DIAPH1: variants seen among roughly 807,000 people sequenced by gnomAD.
The protein encoded by DIAPH1 is protein diaphanous homolog 1.
Under a neutral mutation model 140.7 loss-of-function variants are expected in DIAPH1, and 46 were observed. That is an observed-to-expected ratio of 0.33 (90% CI 0.26 to 0.42). The LOEUF (loss-of-function observed/expected upper bound fraction) is 0.42, where lower values mean the gene tolerates loss of function less well. Among genes scored for constraint, DIAPH1 ranks in the 10% least tolerant of loss-of-function variants. The probability of loss-of-function intolerance (pLI) is 1.00; values close to 1 mark genes in which losing one functional copy is unlikely to be tolerated. For synonymous variants in DIAPH1, 565 were observed against 551.6 expected (o/e 1.02, Z -0.34); for missense variants, 1,310 against 1,558.7 (o/e 0.84, Z 2.69).
At chr5:141,588,890 G>C (rs1017021649) in intron 1 of DIAPH1, 1 of 152,226 alleles carries the variant, frequency 6.6e-6, no homozygotes. Flanking sequence ...AGAGTAGAAC[G>C]GGTTTTCTGA....
At chr5:141,579,042 C>A in intron 9 of DIAPH1, 46 bp downstream of exon 9, 1 of 1,354,164 alleles carries the variant, frequency 7.4e-7, no homozygotes, top group South Asian at 1.2e-5. Flanking sequence ...TAAGTCTGTC[C>A]ATCTTGAATT....
Position 141,583,198 on chromosome 5 carries a change from G to C in DIAPH1, c.620+8C>G, listed in dbSNP as rs759235916. 42 of 1,613,424 alleles carry C rather than the reference G, an allele frequency of 2.6e-5. No individual in the cohort carries two copies. Among genetic ancestry groups the C allele is most frequent in the Non-Finnish European group, 3.4e-5 (40 of 1,179,334 alleles). On this transcript the variant is annotated splice_region_variant and intron_variant, in intron 6 of 27. Transcript: ENST00000389054. The stretch of plus-strand genomic sequence containing the variant: ...AACTTGAAGTTGCAAAGACTTGGAA[G>C]TCCTCACCCAGCAGTCTCTTCTTTC...
rs572714043 is a variant in DIAPH1, at chr5:141,575,216, A to G, written c.1462-70T>C. The G allele has an allele frequency of 6.8e-5, 104 of 1,527,898 alleles. No homozygotes were observed. The African/African-American group carries it at 1.4e-3, about 20-fold the overall frequency. The allele number at this position is 1,527,898 out of a possible 1,614,324, so 94.6% of individuals were successfully genotyped here. A position where few individuals can be genotyped will look rare whatever the true frequency, so the allele number is the denominator to read the frequency against. ...GTAAGAAGCACAAGTATTATTACCC[A>G]TAATTCTCCCTACCTCCTCTTTTGC... On this transcript the variant is annotated intron_variant, in intron 14 of 27. Coordinates refer to ENST00000389054, the MANE Select transcript of DIAPH1 (RefSeq NM_005219.5).
At chr5:141,551,398 G>T (rs2099891659) in intron 18 of DIAPH1, among the ~76,000 whole-genome samples, 1 of 152,094 alleles carries the variant, frequency 6.6e-6, no homozygotes, top group South Asian at 2.1e-4. Context: ...CAAGGTTACA[G>T]TGTCACCACA....
intron 18 of DIAPH1, among the ~76,000 whole-genome samples, chr5:141,547,701 T>C (rs1387054106): frequency 2.6e-5 from 4 of 152,230 alleles, no homozygotes. Flanking sequence ...GTCCAACATA[T>C]GTATAACTGG....
intron 1 of DIAPH1, among the ~76,000 whole-genome samples, chr5:141,607,738 A>G (rs573370759): frequency 6.2e-4 from 94 of 152,324 alleles, no homozygotes; most frequent in Admixed American, 1.2e-3. Context: ...CTACAGCCAC[A>G]TATTCACACC....
In DIAPH1 at chr5:141,529,267, T is replaced by C. The variant is rs2099887848; in HGVS notation, c.2683A>G (p.Ile895Val). Residue 895 changes from isoleucine to valine, a missense_variant, in exon 21 of 28, where the codon ATT (isoleucine) becomes GTT (valine). By Grantham distance (29) the Ile-to-Val change is conservative. Around this residue, in one of 3 missense-constraint regions of DIAPH1, gnomAD observed 344 missense variants for 512.2 expected, o/e 0.67. Transcript: ENST00000389054. ...TGCTCTGGCTCTGGCATTTGCTTAATGAGGTTCTGAAAGACAGAAGAGACA... is the reference window on the plus strand; with the variant it reads ...TGCTCTGGCTCTGGCATTTGCTTAACGAGGTTCTGAAAGACAGAAGAGACA... ...VLTESMIQNL[I>V]KQMPEPEQLK... is the part of the protein sequence containing the mutation. The C allele has an allele frequency of 6.2e-7, 1 of 1,613,742 alleles. No homozygotes were observed.
At position 141,526,023 on chromosome 5, in the gene DIAPH1, G is replaced by T. The variant is rs1279473036; in HGVS notation, c.3574+15C>A. On this transcript the variant is annotated intron_variant, in intron 26 of 27. Transcript: ENST00000389054. ...CATTCCTATCTCAGCCCATCAACCCGTCTTCACTCCTCACCTGCATTCATG... is the reference window on the plus strand; with the variant it reads ...CATTCCTATCTCAGCCCATCAACCCTTCTTCACTCCTCACCTGCATTCATG... 6.2e-7 allele frequency: 1 copy of T among 1,613,546 alleles called. No homozygotes were observed. The highest frequency in any genetic ancestry group is 1.3e-5 in the African/African-American group (1 of 74,858).
intron 18 of DIAPH1, among the ~76,000 whole-genome samples, chr5:141,553,267 G>A (rs1331742215): frequency 6.6e-6 from 1 of 151,878 alleles, no homozygotes; most frequent in African/African-American, 2.4e-5. Flanking sequence ...ACTCCAGCCT[G>A]GGTGACAGGC....
At chr5:141,587,394 T>C (rs1240460622) in intron 2 of DIAPH1, 197 bp from the exon 3 acceptor site, 3 of 615,608 alleles carry the variant, frequency 4.9e-6, no homozygotes, top group Non-Finnish European at 8.6e-6. Flanking sequence ...TGTACTCTCA[T>C]CTATGTTCAA....
At chr5:141,533,955 C>T (rs1272456726) in intron 19 of DIAPH1, among the ~76,000 whole-genome samples, 1 of 141,844 alleles carries the variant, frequency 7.1e-6, no homozygotes, top group Non-Finnish European at 1.5e-5. Flanking sequence ...CAACTGAGCC[C>T]AGGAAGCTGA....
rs201374595 is a variant in DIAPH1 at position 141,587,008 on chromosome 5, G to A, written c.300+34C>T. On this transcript the variant is annotated intron_variant, in intron 3 of 27. Coordinates refer to ENST00000389054, the MANE Select transcript of DIAPH1 (RefSeq NM_005219.5). ...AGCCCACCATGTCCATAAATGCACA[G>A]GAAGAAGCAACATTTTGGGAATGGG... 1.2e-5 allele frequency: 19 copies of A among 1,612,922 alleles called. No individual in the cohort carries two copies. The Admixed American group carries it at 2.0e-4, about 17-fold the overall frequency.
At chr5:141,525,920 T>C in intron 26 of DIAPH1, 118 bp downstream of exon 26, 2 of 1,535,874 alleles carry the variant, frequency 1.3e-6, no homozygotes, top group Non-Finnish European at 1.8e-6. Flanking sequence ...GAGTGAAGAC[T>C]GCCAAAAATC....
intron 7 of DIAPH1, 107 bp downstream of exon 7, chr5:141,582,205 C>A: frequency 1.2e-6 from 1 of 812,086 alleles, no homozygotes; most frequent in Non-Finnish European, 2.2e-6. Context: ...AAAGAGAAAG[C>A]TAGAAGTCCT....
chr5:141,600,215 C>T (rs1328576856), intron 1 of DIAPH1, among the ~76,000 whole-genome samples: 1 of 152,186 alleles, frequency 6.6e-6, no homozygotes, highest in African/African-American at 2.4e-5. Context: ...CGGTGACAGA[C>T]AGCAAAGAAA....
In DIAPH1 at chr5:141,572,016, C is replaced by G; in HGVS notation, c.2383G>C (p.Asp795His). Residue 795 changes from aspartate to histidine, a missense_variant, in exon 17 of 28, where the codon GAC becomes CAC. Physicochemically the swap from Asp to His is moderately conservative, Grantham distance 81. This residue lies in a region of DIAPH1 where 589 missense variants were observed against 549.3 expected (regional missense o/e 1.07). Transcript: ENST00000389054. ...SKLVAEDLSQDCFWTKVKEDR... is the reference protein window; with the variant it reads ...SKLVAEDLSQHCFWTKVKEDR... ...TCCTTCACCTTTGTCCAGAAGCAGT[C>G]CTGGGAGAGGTCCTCAGCCACAAGC... The G allele has an allele frequency of 6.2e-7, 1 of 1,614,074 alleles. No homozygotes were observed. Among genetic ancestry groups the G allele is most frequent in the South Asian group, 1.1e-5 (1 of 91,076 alleles).
chr5:141,576,045 G>A (rs1025405729), intron 14 of DIAPH1, among the ~76,000 whole-genome samples, 185 bp downstream of exon 14: 3 of 152,170 alleles, frequency 2.0e-5, no homozygotes, highest in Non-Finnish European at 4.4e-5. Flanking sequence ...AGCTCCCTAT[G>A]AAGACATCCA....
At chr5:141,537,275 G>C (rs542779684) in intron 18 of DIAPH1, among the ~76,000 whole-genome samples, 71 of 151,806 alleles carry the variant, frequency 4.7e-4, no homozygotes, top group Non-Finnish European at 1.3e-4. Flanking sequence ...CCTGAAGTCG[G>C]GAGTTCGAGA....
At position 141,528,822 on chromosome 5, in the gene DIAPH1, C is replaced by T; in HGVS notation, c.2898G>A (p.Glu966=). The T allele has an allele frequency of 6.2e-7, 1 of 1,614,268 alleles. No homozygotes were observed. The highest frequency in any genetic ancestry group is 1.1e-5 in the South Asian group (1 of 91,086). The change falls in exon 22 of 28, where the codon GAG becomes GAA. Residue 966 remains glutamate (E), a synonymous_variant. Coordinates refer to ENST00000389054, the MANE Select transcript of DIAPH1 (RefSeq NM_005219.5). ...EIVSVTAACE[E]LRKSESFSNL... is the part of the protein sequence containing the mutation. The stretch of plus-strand genomic sequence containing the variant: ...TGGAAAAGCTCTCACTCTTACGTAA[C>T]TCCTCACATGCAGCAGTGACAGACA...
Sources: gnomAD v4.1 joint callset for allele counts (sites outside exome capture counted in the v4.1 genomes callset) on GRCh38, gnomAD v4.1.1 for gene constraint, gnomAD v4.1.1 regional missense constraint, MANE v1.5 for transcripts, NCBI Gene and HGNC (gene_info 2026-07-23, HGNC 2026-07-21) for gene names.